The following PC variants were observed in gnomAD, a reference collection of about 807,000 sequenced individuals.
The protein encoded by PC is pyruvate carboxylase, mitochondrial.
Under a neutral mutation model 107.8 loss-of-function variants are expected in PC, and 46 were observed. The ratio of observed to expected loss-of-function variants is 0.43; its 90% CI spans 0.34 to 0.55. The LOEUF is 0.55. PC is among the 20% of genes least tolerant of loss of function. PC has a pLI of 0.04. For synonymous variants in PC, 662 were observed against 684.7 expected, an observed-to-expected ratio of 0.97 and a Z score of 0.52; for missense variants, 1,241 against 1,643.1, an observed-to-expected ratio of 0.76 and a Z score of 4.23.
chr11:66,856,455 C>T (rs1945837728), intron 12 of PC, among the ~76,000 whole-genome samples: 1 of 152,054 alleles, frequency 6.6e-6, no homozygotes, highest in African/African-American at 2.4e-5. Context: ...AGGCCAAGCC[C>T]TCTCGGCCCC....
chr11:66,857,464 G>A lies in PC; in HGVS notation c.1369-4081C>T. 1 of 408,034 alleles carries A rather than the reference G, an allele frequency of 2.5e-6. No individual in the cohort carries two copies. The highest frequency in any genetic ancestry group is 3.7e-5 in the East Asian group (1 of 27,236). 25.3% of individuals were successfully genotyped at this position (408,034 alleles called of 1,614,324 possible). A position where few individuals can be genotyped will look rare whatever the true frequency, so the allele number is the denominator to read the frequency against. On this transcript the variant is annotated intron_variant, in intron 12 of 22. Transcript: ENST00000393960. This position sits in a 1 kb window ranked among gnomAD's most constrained non-coding sequence, Gnocchi z 7.1. ...GAAAGGAAGTTCCGGGACCCTCCCT[G>A]CTCTCGGTCCTCCTCCGCTTCCTGC... is the stretch of plus-strand genomic sequence containing the variant.
chr11:66,850,782 C>T lies in PC; in HGVS notation c.2365G>A (p.Ala789Thr). Residue 789 changes from alanine to threonine, a missense_variant, in exon 18 of 23, where the codon GCT becomes ACT. Physicochemically the swap from Ala to Thr is moderately conservative, Grantham distance 58. Around this residue, in one of 2 missense-constraint regions of PC, gnomAD observed 1,143 missense variants for 1,551.9 expected, o/e 0.74. Coordinates refer to ENST00000393960, the MANE Select transcript of PC (RefSeq NM_001040716.2). ...GCCACATCCACCACATCAGCTCCAG[C>T]CTGGGCACAGGCCAGCATGGCTGCC... ...GVAAMLACAQ[A>T]GADVVDVAAD... is the part of the protein sequence containing the mutation. 1 of 1,611,616 alleles carries T rather than the reference C, an allele frequency of 6.2e-7. No individual in the cohort carries two copies. Among genetic ancestry groups the T allele is most frequent in the Non-Finnish European group, 8.5e-7 (1 of 1,179,988 alleles).
At chr11:66,918,577 T>C (rs1948518382) in intron 3 of PC, among the ~76,000 whole-genome samples, 1 of 151,782 alleles carries the variant, frequency 6.6e-6, no homozygotes, top group Non-Finnish European at 1.5e-5. Flanking sequence ...TTCACCATGT[T>C]GGCCAGGATG....
At chr11:66,861,943 G>C (rs545456619) in intron 12 of PC, among the ~76,000 whole-genome samples, 4 of 152,162 alleles carry the variant, frequency 2.6e-5, no homozygotes, top group African/African-American at 7.2e-5. Context: ...CAAGGTTCTA[G>C]GGCCCAGGGA....
At chr11:66,869,318 G>C (rs1283124799) in intron 9 of PC, among the ~76,000 whole-genome samples, 1 of 151,766 alleles carries the variant, frequency 6.6e-6, no homozygotes, top group African/African-American at 2.4e-5. Context: ...CCCAGACACG[G>C]AGACCCAGGC....
At chr11:66,914,007 A>C (rs1243649542) in intron 3 of PC, among the ~76,000 whole-genome samples, 1 of 152,186 alleles carries the variant, frequency 6.6e-6, no homozygotes, top group African/African-American at 2.4e-5. Flanking sequence ...TTGCCCTCAA[A>C]AAAGAAATCT....
intron 18 of PC, 47 bp from the exon 19 acceptor site, chr11:66,850,511 T>C (rs534653752): frequency 6.2e-7 from 1 of 1,612,908 alleles, no homozygotes; most frequent in East Asian, 2.2e-5. Flanking sequence ...TGTGTGACTC[T>C]TCCAGGACCC....
chr11:66,875,742 G>A (rs1206143669), intron 3 of PC, among the ~76,000 whole-genome samples: 1 of 152,146 alleles, frequency 6.6e-6, no homozygotes, highest in Admixed American at 6.5e-5. Context: ...GGTCACACCC[G>A]GCTATGGTGA....
chr11:66,870,200 G>A lies in PC; in HGVS notation c.903+102C>T, dbSNP rs1376252030. On this transcript the variant is annotated intron_variant, in intron 9 of 22. Transcript: ENST00000393960. This position sits in a 1 kb window ranked among gnomAD's most constrained non-coding sequence, Gnocchi z 6.1. ...CTCTTCTCCCCATCCCCAGTCCCCA[G>A]AAGGGGACTCAGGGTCCCCTTCCCC... 3 of 1,418,082 alleles carry A rather than the reference G, an allele frequency of 2.1e-6. No homozygotes were observed. The highest frequency in any genetic ancestry group is 2.9e-6 in the Non-Finnish European group (3 of 1,018,872). The allele number at this position is 1,418,082 out of a possible 1,614,324, so 87.8% of individuals were successfully genotyped here. A position where few individuals can be genotyped will look rare whatever the true frequency, so the allele number is the denominator to read the frequency against.
chr11:66,932,542 G>A (rs531765508), intron 3 of PC, among the ~76,000 whole-genome samples: 8 of 152,276 alleles, frequency 5.3e-5, no homozygotes, highest in Non-Finnish European at 4.4e-5. Context: ...CAAAAATCTC[G>A]CAGATGCAGT....
chr11:66,882,569 C>A (rs1281183524), intron 3 of PC, among the ~76,000 whole-genome samples: 1 of 152,048 alleles, frequency 6.6e-6, no homozygotes, highest in Non-Finnish European at 1.5e-5. Flanking sequence ...GCCCCAGGAA[C>A]CTCCGAACCA....
intron 3 of PC, among the ~76,000 whole-genome samples, chr11:66,950,835 T>TG (rs770667461): frequency 2.6e-4 from 40 of 152,178 alleles, no homozygotes; most frequent in Non-Finnish European, 5.3e-4. Flanking sequence ...ACAAGTGGTT[T>TG]GGGGGGAACC....
intron 3 of PC, among the ~76,000 whole-genome samples, chr11:66,930,966 A>G (rs914665063): frequency 1.3e-5 from 2 of 152,152 alleles, no homozygotes; most frequent in African/African-American, 2.4e-5. Context: ...ACAGAAATCT[A>G]CTGTAGGATT....
chr11:66,851,669 G>T, intron 16 of PC, 121 bp downstream of exon 16: 1 of 1,041,002 alleles, frequency 9.6e-7, no homozygotes, highest in Non-Finnish European at 1.5e-6. Flanking sequence ...AGCCCCTGCT[G>T]CGTGTGGCCA....
At chr11:66,943,343 G>A (rs1389148614) in intron 3 of PC, among the ~76,000 whole-genome samples, 1 of 151,908 alleles carries the variant, frequency 6.6e-6, no homozygotes, top group Non-Finnish European at 1.5e-5. Flanking sequence ...CTGTGAGGAC[G>A]CAGCCTGAAG....
chr11:66,857,093 C>T lies in PC; in HGVS notation c.1369-3710G>A, dbSNP rs1402519258. On this transcript the variant is annotated intron_variant, in intron 12 of 22. Transcript: ENST00000393960. This position sits in a 1 kb window ranked among gnomAD's most constrained non-coding sequence, Gnocchi z 7.1. ...GCGCGCACCCGCTCGCCTGTCGCCG[C>T]CGCCACCGCTAACCGCGCCGGGAAA... 5 of 147,590 alleles carry T rather than the reference C, an allele frequency of 3.4e-5. No individual in the cohort carries two copies. Among genetic ancestry groups the T allele is most frequent in the African/African-American group, 1.2e-4 (5 of 40,972 alleles). 9.1% of individuals were successfully genotyped at this position (147,590 alleles called of 1,614,324 possible). A position where few individuals can be genotyped will look rare whatever the true frequency, so the allele number is the denominator to read the frequency against.
intron 3 of PC, among the ~76,000 whole-genome samples, chr11:66,887,059 C>T (rs1947396123): frequency 6.6e-6 from 1 of 152,196 alleles, no homozygotes; most frequent in Non-Finnish European, 1.5e-5. Context: ...GTGGAAGGTC[C>T]TCTCGGCTCC....
At chr11:66,954,222 T>TGACACAG (rs1949504783) in intron 2 of PC, 27 bp downstream of exon 2, 1 of 152,134 alleles carries the variant, frequency 6.6e-6, no homozygotes, top group Non-Finnish European at 1.5e-5. Flanking sequence ...CTAATCTCAC[T>TGACACAG]ATGGGGGCTG....
chr11:66,865,087 G>A (rs919258994), intron 11 of PC, among the ~76,000 whole-genome samples: 2 of 152,242 alleles, frequency 1.3e-5, no homozygotes, highest in Non-Finnish European at 2.9e-5. Flanking sequence ...GAGAAGTCAG[G>A]GGCCGCCGGG....
Sources: allele counts gnomAD v4.1 joint callset (sites outside exome capture counted in the v4.1 genomes callset), GRCh38; gene constraint gnomAD v4.1.1; regional missense constraint gnomAD v4.1.1; non-coding constraint Gnocchi (gnomAD v3.1); transcripts MANE v1.5; gene names NCBI Gene and HGNC (gene_info 2026-07-23, HGNC 2026-07-21).